Variants in AFF4 observed in about 807,000 individuals in gnomAD.
AFF4 encodes the protein ALF transcription elongation factor 4, also known as AF4/FMR2 family member 4.
AFF4 carries 13 observed loss-of-function variants against 124.8 expected under a neutral mutation model. The observed-to-expected ratio is 0.10, with a 90% CI of 0.07 to 0.17. The LOEUF (loss-of-function observed/expected upper bound fraction) is 0.17. Among genes scored for constraint, AFF4 ranks in the 10% least tolerant of loss-of-function variants. AFF4 has a pLI of 1.00. For missense variants in AFF4, 1,092 were observed against 1,403.8 expected (o/e 0.78, Z 3.55); for synonymous variants, 477 against 496.1 (o/e 0.96, Z 0.51).
intron 1 of AFF4, among the ~76,000 whole-genome samples, chr5:132,955,246 G>A (rs2150113095): frequency 6.6e-6 from 1 of 152,222 alleles, no homozygotes. Flanking sequence ...ACAGGGTGGA[G>A]GGGCGTGGTG....
chr5:132,953,222 ATC>A (rs966310444), intron 1 of AFF4, among the ~76,000 whole-genome samples: 68 of 152,018 alleles, frequency 4.5e-4, no homozygotes, highest in African/African-American at 1.3e-3. Flanking sequence ...AAACTAAGAA[ATC>A]TCTGTTTTTT....
chr5:132,951,743 G>T (rs768600519), intron 1 of AFF4, among the ~76,000 whole-genome samples: 45 of 152,134 alleles, frequency 3.0e-4, no homozygotes, highest in Non-Finnish European at 5.6e-4. Context: ...GCCTAGGCTG[G>T]TCTCAAACTC....
chr5:132,946,355 G>C (rs185432068), intron 1 of AFF4, among the ~76,000 whole-genome samples: 1 of 152,280 alleles, frequency 6.6e-6, no homozygotes, highest in African/African-American at 2.4e-5. Context: ...ACAGATCCAT[G>C]TACACCAATG....
chr5:132,934,964 A>C, intron 2 of AFF4, 23 bp from the exon 3 acceptor site: 1 of 1,461,504 alleles, frequency 6.8e-7, no homozygotes, highest in Non-Finnish European at 9.1e-7. Flanking sequence ...AAAATAAAAT[A>C]AAATTATAAA....
Position 132,880,477 on chromosome 5 carries a change from TACTA to T in AFF4, c.*578_*581del. ...TTCATGTGTAGAAGAATATCCTTAA[TACTA>T]ACTGTAAATTCCACAATAATAAAAT... On this transcript the variant is annotated 3_prime_UTR_variant, in exon 21 of 21. Transcript: ENST00000265343. 1 of 397,326 alleles carries T rather than the reference TACTA, an allele frequency of 2.5e-6. No individual in the cohort carries two copies. The highest frequency in any genetic ancestry group is 3.6e-5 in the East Asian group (1 of 27,950). 24.6% of individuals were successfully genotyped at this position (397,326 alleles called of 1,614,324 possible).
chr5:132,892,470 TTC>T, intron 12 of AFF4, 66 bp from the exon 13 acceptor site: 1 of 1,529,738 alleles, frequency 6.5e-7, no homozygotes, highest in African/African-American at 1.4e-5. Flanking sequence ...ATTTTTCCAT[TTC>T]TCTTTGTCTG....
At chr5:132,922,464 A>G (rs999911077) in intron 5 of AFF4, among the ~76,000 whole-genome samples, 7 of 152,114 alleles carry the variant, frequency 4.6e-5, no homozygotes, top group Admixed American at 2.0e-4. Context: ...ATACACAAAT[A>G]TTCACATCAG....
Position 132,876,000 on chromosome 5 carries a change from T to G in AFF4, c.*5059A>C, listed in dbSNP as rs1490480372. On this transcript the variant is annotated 3_prime_UTR_variant, in exon 21 of 21. Coordinates refer to ENST00000265343, the MANE Select transcript of AFF4 (RefSeq NM_014423.4). Reference sequence around the variant, plus strand: ...AAATATCAAACAATTATATACCAAATAATTTTAATTTCAAATAAAAGGATT... The same window carrying G: ...AAATATCAAACAATTATATACCAAAGAATTTTAATTTCAAATAAAAGGATT... 2 of 224,478 alleles carry G rather than the reference T, an allele frequency of 8.9e-6. No individual in the cohort carries two copies. Among genetic ancestry groups the G allele is most frequent in the African/African-American group, 4.5e-5 (2 of 44,866 alleles). The allele number at this position is 224,478 out of a possible 1,614,324, so 13.9% of individuals were successfully genotyped here.
At chr5:132,898,976 T>A in intron 9 of AFF4, 128 bp downstream of exon 9, 1 of 837,880 alleles carries the variant, frequency 1.2e-6, no homozygotes, top group Non-Finnish European at 1.9e-6. Flanking sequence ...TTCAATGACT[T>A]AATTTACAGA....
intron 1 of AFF4, among the ~76,000 whole-genome samples, chr5:132,959,955 A>G (rs1762046520): frequency 6.6e-6 from 1 of 151,122 alleles, no homozygotes; most frequent in African/African-American, 2.4e-5. Flanking sequence ...TTTAGTAGAG[A>G]CGTGTTAGCC....
chr5:132,929,347 C>T (rs974266762), intron 4 of AFF4, among the ~76,000 whole-genome samples: 1 of 152,096 alleles, frequency 6.6e-6, no homozygotes. Context: ...CAAGCCCCTG[C>T]ACATATAAAA....
chr5:132,938,868 G>A (rs1007845991), intron 1 of AFF4, among the ~76,000 whole-genome samples: 6 of 146,878 alleles, frequency 4.1e-5, no homozygotes, highest in Non-Finnish European at 7.4e-5. Context: ...GCGTGAACCC[G>A]GGAGGCAGAG....
rs369587096 is a variant in AFF4 at position 132,923,216 on chromosome 5, T to A, written c.1050+3905A>T. Reference sequence around the variant, plus strand: ...ATTTTTTAAAGTCAGCCAGGCATGGTGGTGCATGCCTGTAGTTCCCGCTAC... The same window carrying A: ...ATTTTTTAAAGTCAGCCAGGCATGGAGGTGCATGCCTGTAGTTCCCGCTAC... On this transcript the variant is annotated intron_variant, in intron 5 of 20. Transcript: ENST00000265343. Among the ~76,000 whole-genome samples the A allele has an allele frequency of 3.1e-4, 47 of 152,138 alleles. 1 individual carries two copies. In the South Asian group the frequency reaches 9.1e-3, roughly 30 times the overall value.
At chr5:132,932,151 T>G in intron 4 of AFF4, 27 bp downstream of exon 4, 1 of 1,553,596 alleles carries the variant, frequency 6.4e-7, no homozygotes. Flanking sequence ...TTAAAGAAAT[T>G]GAAATGATTT....
intron 11 of AFF4, among the ~76,000 whole-genome samples, chr5:132,895,534 G>A (rs1292817880): frequency 6.6e-6 from 1 of 152,068 alleles, no homozygotes; most frequent in Non-Finnish European, 1.5e-5. Flanking sequence ...CTTAACTTCT[G>A]GTCTTTCACA....
At chr5:132,888,542 GTAAGATTCT>G (rs1389087709) in intron 14 of AFF4, among the ~76,000 whole-genome samples, 3 of 152,160 alleles carry the variant, frequency 2.0e-5, no homozygotes, top group Admixed American at 6.5e-5. Context: ...ATCAGCAGTA[GTAAGATTCT>G]TCTACTGGAA....
chr5:132,912,527 A>AT (rs1235440828), intron 5 of AFF4, among the ~76,000 whole-genome samples: 1 of 151,848 alleles, frequency 6.6e-6, no homozygotes, highest in Non-Finnish European at 1.5e-5. Context: ...CACTCAGGTA[A>AT]TTTTTTTATT....
chr5:132,947,273 C>T (rs1021142548), intron 1 of AFF4, among the ~76,000 whole-genome samples: 1 of 147,596 alleles, frequency 6.8e-6, no homozygotes, highest in South Asian at 2.2e-4. Context: ...TGTGGTAACG[C>T]GCACCTGTAG....
intron 1 of AFF4, 30 bp downstream of exon 1, chr5:132,963,229 G>T: frequency 2.6e-6 from 1 of 390,466 alleles, no homozygotes. Flanking sequence ...GCCCGGCCCG[G>T]CCCTGGGTCA....
Sources: allele counts gnomAD v4.1 joint callset (sites outside exome capture counted in the v4.1 genomes callset), GRCh38; gene constraint gnomAD v4.1.1; transcripts MANE v1.5; gene names NCBI Gene and HGNC (gene_info 2026-07-23, HGNC 2026-07-21).